Variants in TPRX1 observed in about 807,000 individuals in gnomAD.
The protein encoded by TPRX1 is tetra-peptide repeat homeobox protein 1.
Under a neutral mutation model 8.1 loss-of-function variants are expected in TPRX1, and 2 were observed. That is an observed-to-expected ratio of 0.25 (90% CI 0.10 to 0.78). TPRX1 has a LOEUF of 0.78. Among genes scored for constraint, TPRX1 ranks in the 30% least tolerant of loss-of-function variants. TPRX1 has a pLI of 0.70. For missense variants in TPRX1, 517 were observed against 586.9 expected (o/e 0.88, Z 1.23); for synonymous variants, 257 against 254.1 (o/e 1.01, Z -0.11).
At chr19:47,801,603 C>T (rs185195565) in exon 4 of TPRX1, 8 of 723,228 alleles carry the variant, frequency 1.1e-5, no homozygotes, top group African/African-American at 5.4e-5. Flanking sequence ...AAATGACAGG[C>T]AGGCACATTC....
chr19:47,802,517 CCTGGGATCGGGG>C (rs1405163450), exon 4 of TPRX1: 2 of 1,544,092 alleles, frequency 1.3e-6, no homozygotes, highest in East Asian at 2.5e-5. Context: ...TGAGATTGGG[CCTGGGATCGGGG>C]CTGGGCCTGA....
chr19:47,812,531 C>T (rs929031011), intron 2 of TPRX1, among the ~76,000 whole-genome samples: 11 of 151,476 alleles, frequency 7.3e-5, no homozygotes, highest in Non-Finnish European at 1.5e-4. Context: ...GTGAGGGGTT[C>T]GAGACCGGCC....
At chr19:47,811,448 C>T (rs11880887) in intron 2 of TPRX1, among the ~76,000 whole-genome samples, 13,562 of 151,480 alleles carry the variant, frequency 0.09, 681 homozygotes, top group South Asian at 0.12. Flanking sequence ...ATCTGTATTT[C>T]CCCTGGGAGC....
exon 4 of TPRX1, chr19:47,801,577 C>A (rs372442580): frequency 3.3e-6 from 2 of 613,476 alleles, no homozygotes. Flanking sequence ...AGCAGAGAAA[C>A]GCTCAGGCTC....
Position 47,801,855 on chromosome 19 carries a change from G to GT in TPRX1, c.1446dup (p.His483ThrfsTer15). On this transcript the variant is annotated frameshift_variant, in exon 4 of 4. Coordinates refer to ENST00000535759, the Ensembl canonical transcript of TPRX1. LOFTEE classifies it low-confidence loss of function (END_TRUNC). Reference sequence around the variant, plus strand: ...TCCTCTTGGGGCTGAGACCCTGAGTGTTTTTTGCCCATAGAGTCATCCCCT... The same window carrying GT: ...TCCTCTTGGGGCTGAGACCCTGAGTGTTTTTTTGCCCATAGAGTCATCCCCT... 2 of 1,614,148 alleles carry GT rather than the reference G, an allele frequency of 1.2e-6. No individual in the cohort carries two copies. Among genetic ancestry groups the GT allele is most frequent in the Non-Finnish European group, 1.7e-6 (2 of 1,180,016 alleles).
At chr19:47,811,965 C>G (rs558286359) in intron 2 of TPRX1, among the ~76,000 whole-genome samples, 125 of 152,040 alleles carry the variant, frequency 8.2e-4, no homozygotes, top group African/African-American at 2.8e-3. Flanking sequence ...CTCCTGGGCT[C>G]AAGCAATTCT....
At chr19:47,811,729 C>T (rs1967785475) in intron 2 of TPRX1, among the ~76,000 whole-genome samples, 1 of 151,752 alleles carries the variant, frequency 6.6e-6, no homozygotes, top group Admixed American at 6.6e-5. Flanking sequence ...GAACTTCTGA[C>T]CTCGTGATCC....
chr19:47,807,158 G>A (rs984762206), intron 2 of TPRX1, among the ~76,000 whole-genome samples: 2 of 152,016 alleles, frequency 1.3e-5, no homozygotes, highest in Non-Finnish European at 1.5e-5. Flanking sequence ...CACCCATCTC[G>A]GCCTCCCAAA....
rs144214530 is a variant in TPRX1 at position 47,806,409 on chromosome 19, A to G, written c.152-2736T>C. Among the ~76,000 whole-genome samples, 9 of 151,796 alleles carry G rather than the reference A, an allele frequency of 5.9e-5. No homozygotes were observed. The East Asian group carries it at 1.7e-3, about 29-fold the overall frequency. ...GTGGCGGGAGCCTGTAATCCCAGCT[A>G]CTTGTTAGGCTGAGGTAGGAGAATC... is the stretch of plus-strand genomic sequence containing the variant. On this transcript the variant is annotated intron_variant, in intron 2 of 3. Coordinates refer to ENST00000535759, the Ensembl canonical transcript of TPRX1.
chr19:47,817,448 A>T (rs1428207676), intron 2 of TPRX1, among the ~76,000 whole-genome samples: 2 of 152,234 alleles, frequency 1.3e-5, no homozygotes, highest in Non-Finnish European at 2.9e-5. Context: ...CCTGATCACC[A>T]GGTGATATGG....
chr19:47,802,437 A>AGATTGGGCCTGGGATCGGGCCTGG (rs1967682958), exon 4 of TPRX1: 2 of 1,063,680 alleles, frequency 1.9e-6, no homozygotes, highest in Admixed American at 4.0e-5. Context: ...ATCGGGCCTG[A>AGATTGGGCCTGGGATCGGGCCTGG]GATTGGGCCT....
intron 2 of TPRX1, among the ~76,000 whole-genome samples, chr19:47,813,997 G>T (rs1967809236): frequency 6.6e-6 from 1 of 151,728 alleles, no homozygotes; most frequent in Admixed American, 6.6e-5. Context: ...AGTGGATACA[G>T]GCATATTCCC....
At chr19:47,810,074 G>T (rs916981841) in intron 2 of TPRX1, among the ~76,000 whole-genome samples, 1 of 151,506 alleles carries the variant, frequency 6.6e-6, no homozygotes, top group African/African-American at 2.4e-5. Context: ...GGCCAACATG[G>T]CGAAACCCTG....
At chr19:47,809,867 A>G (rs886954064) in intron 2 of TPRX1, among the ~76,000 whole-genome samples, 3 of 152,008 alleles carry the variant, frequency 2.0e-5, no homozygotes, top group Non-Finnish European at 4.4e-5. Flanking sequence ...AAATTCCTAG[A>G]GTCAGGTGGA....
At chr19:47,806,605 A>G (rs1967737625) in intron 2 of TPRX1, among the ~76,000 whole-genome samples, 1 of 152,172 alleles carries the variant, frequency 6.6e-6, no homozygotes, top group Non-Finnish European at 1.5e-5. Context: ...ATATTACTCA[A>G]CCATGAAAAG....
chr19:47,812,045 T>A (rs1397374771), intron 2 of TPRX1, among the ~76,000 whole-genome samples: 1 of 151,256 alleles, frequency 6.6e-6, no homozygotes, highest in African/African-American at 2.4e-5. Context: ...TTTGTATTTT[T>A]AGTAGAGATG....
chr19:47,818,797 G>T (rs142948935), intron 1 of TPRX1, among the ~76,000 whole-genome samples: 225 of 152,248 alleles, frequency 1.5e-3, no homozygotes, highest in African/African-American at 5.2e-3. Flanking sequence ...ACAACGTGCA[G>T]GTTTGTTACA....
exon 4 of TPRX1, chr19:47,802,164 C>G (rs1967671949): frequency 6.2e-7 from 1 of 1,602,824 alleles, no homozygotes; most frequent in Non-Finnish European, 8.5e-7. Flanking sequence ...GGACCTGGGC[C>G]TTGGAGTCTG....
exon 4 of TPRX1, chr19:47,801,920 T>C (rs772997076): frequency 2.5e-6 from 4 of 1,614,124 alleles, no homozygotes; most frequent in East Asian, 4.5e-5. Flanking sequence ...TGAGGATCCC[T>C]CCAAGGGGTC....
Sources: allele counts gnomAD v4.1 joint callset (sites outside exome capture counted in the v4.1 genomes callset), GRCh38; gene constraint gnomAD v4.1.1; transcripts MANE v1.5; gene names NCBI Gene and HGNC (gene_info 2026-07-23, HGNC 2026-07-21).